Variants in RIC8B observed in about 807,000 individuals in gnomAD.
RIC8B encodes the protein RIC8 guanine nucleotide exchange factor B.
Under a neutral mutation model 57.5 loss-of-function variants are expected in RIC8B, and 16 were observed. The observed-to-expected ratio is 0.28, with a 90% confidence interval of 0.19 to 0.42. RIC8B has a LOEUF of 0.42. Ranked by LOEUF, RIC8B falls within the 10% of genes least tolerant of loss-of-function variation. The probability of loss-of-function intolerance (pLI) is 1.00; values close to 1 mark genes in which losing one functional copy is unlikely to be tolerated. For missense variants in RIC8B, 481 were observed against 677.0 expected (o/e 0.71, Z 3.21); for synonymous variants, 216 against 250.8 (o/e 0.86, Z 1.31).
In RIC8B at chr12:106,852,110, G is replaced by C. The variant is rs554092311; in HGVS notation, c.1306+516G>C. 4.7e-4 allele frequency among the ~76,000 whole-genome samples: 72 copies of C among 152,246 alleles called. 3 individuals carry two copies. In the South Asian group the frequency reaches 0.015, roughly 32 times the overall value. On this transcript the variant is annotated intron_variant, in intron 7 of 9. Transcript: ENST00000392837. ...GAGACAAAGTTAAGATAGTGGTAGAGAGAAATTTTAAAATAACTGTACTAC... is the reference window on the plus strand; with the variant it reads ...GAGACAAAGTTAAGATAGTGGTAGACAGAAATTTTAAAATAACTGTACTAC...
chr12:106,795,129 A>T (rs1053486633), intron 2 of RIC8B, among the ~76,000 whole-genome samples: 30 of 152,322 alleles, frequency 2.0e-4, no homozygotes, highest in Middle Eastern at 3.4e-3. Flanking sequence ...AAAGCTATAA[A>T]TGTATACTTG....
At chr12:106,792,078 C>G (rs1337890858) in intron 2 of RIC8B, among the ~76,000 whole-genome samples, 1 of 152,098 alleles carries the variant, frequency 6.6e-6, no homozygotes, top group Non-Finnish European at 1.5e-5. Context: ...ACTTAGAAAC[C>G]AGTAATTTTC....
At chr12:106,851,925 T>C (rs1013998477) in intron 7 of RIC8B, among the ~76,000 whole-genome samples, 4 of 152,184 alleles carry the variant, frequency 2.6e-5, no homozygotes, top group Non-Finnish European at 4.4e-5. Flanking sequence ...GCTACTATTT[T>C]AATAAGAGGC....
chr12:106,805,119 A>G (rs1243855562), intron 2 of RIC8B, among the ~76,000 whole-genome samples: 2 of 152,142 alleles, frequency 1.3e-5, no homozygotes, highest in Non-Finnish European at 2.9e-5. Flanking sequence ...GATGTGTTTT[A>G]TTTCAGGTAT....
At chr12:106,847,170 A>G (rs990663594) in intron 6 of RIC8B, among the ~76,000 whole-genome samples, 1 of 152,206 alleles carries the variant, frequency 6.6e-6, no homozygotes, top group African/African-American at 2.4e-5. Context: ...TATAGAAGCA[A>G]TGAGTATTTG....
chr12:106,854,245 A>G (rs1208662735), intron 7 of RIC8B, among the ~76,000 whole-genome samples: 1 of 152,062 alleles, frequency 6.6e-6, no homozygotes, highest in African/African-American at 2.4e-5. Flanking sequence ...AAAAAAAGAA[A>G]ATGTCTGCAG....
chr12:106,787,532 T>C (rs1212027345), intron 2 of RIC8B, among the ~76,000 whole-genome samples: 3 of 152,162 alleles, frequency 2.0e-5, no homozygotes, highest in Non-Finnish European at 4.4e-5. Flanking sequence ...GATAAAGACA[T>C]ACCTGAGACT....
At chr12:106,881,130 A>AT (rs1186432137) in intron 9 of RIC8B, among the ~76,000 whole-genome samples, 1 of 152,176 alleles carries the variant, frequency 6.6e-6, no homozygotes, top group Non-Finnish European at 1.5e-5. Context: ...AAGCATAGAC[A>AT]TTCTCTTTTT....
At chr12:106,786,443 C>G (rs994139156) in intron 2 of RIC8B, among the ~76,000 whole-genome samples, 1 of 152,170 alleles carries the variant, frequency 6.6e-6, no homozygotes, top group African/African-American at 2.4e-5. Context: ...GCCACCGCAC[C>G]TGGCCCCAAT....
At chr12:106,859,951 T>C (rs1239255918) in intron 7 of RIC8B, among the ~76,000 whole-genome samples, 1 of 152,118 alleles carries the variant, frequency 6.6e-6, no homozygotes, top group Non-Finnish European at 1.5e-5. Flanking sequence ...TTTTAAATAG[T>C]AAGATCTGAG....
At chr12:106,836,848 G>T (rs1200861853) in intron 4 of RIC8B, among the ~76,000 whole-genome samples, 2 of 152,192 alleles carry the variant, frequency 1.3e-5, no homozygotes, top group African/African-American at 4.8e-5. Flanking sequence ...GGTCTTCTCT[G>T]TTATCTACCT....
chr12:106,849,355 G>A (rs987856560), intron 6 of RIC8B, among the ~76,000 whole-genome samples: 1 of 149,268 alleles, frequency 6.7e-6, no homozygotes, highest in African/African-American at 2.5e-5. Context: ...GTCTCGCTAT[G>A]TTGCCCAGGC....
At chr12:106,807,673 A>G (rs2045105644) in intron 2 of RIC8B, among the ~76,000 whole-genome samples, 1 of 152,244 alleles carries the variant, frequency 6.6e-6, no homozygotes, top group Non-Finnish European at 1.5e-5. Context: ...GCATGAGAAA[A>G]GGACAGTGAG....
intron 7 of RIC8B, among the ~76,000 whole-genome samples, chr12:106,854,617 C>G (rs1949637604): frequency 6.6e-6 from 1 of 152,002 alleles, no homozygotes; most frequent in Non-Finnish European, 1.5e-5. Context: ...ATGGTGAAAC[C>G]CCGTCTCTAC....
At chr12:106,811,550 C>T (rs1290009981) in intron 2 of RIC8B, among the ~76,000 whole-genome samples, 1 of 152,142 alleles carries the variant, frequency 6.6e-6, no homozygotes, top group Non-Finnish European at 1.5e-5. Flanking sequence ...GAGCAAACTA[C>T]TAAAAAGTTT....
chr12:106,850,642 T>G (rs1949429127), intron 6 of RIC8B, among the ~76,000 whole-genome samples: 1 of 152,204 alleles, frequency 6.6e-6, no homozygotes, highest in Non-Finnish European at 1.5e-5. Context: ...TGTTACTATC[T>G]CCTTTGCGGG....
At chr12:106,881,595 A>G (rs1240657178) in intron 9 of RIC8B, among the ~76,000 whole-genome samples, 1 of 151,930 alleles carries the variant, frequency 6.6e-6, no homozygotes, top group African/African-American at 2.4e-5. Flanking sequence ...GTGAAGGAAT[A>G]TTTCTGTGGT....
chr12:106,851,607 C>T lies in RIC8B; in HGVS notation c.1306+13C>T, dbSNP rs750761161. 2 of 1,609,160 alleles carry T rather than the reference C, an allele frequency of 1.2e-6. No homozygotes were observed. Among genetic ancestry groups the T allele is most frequent in the African/African-American group, 2.7e-5 (2 of 74,766 alleles). On this transcript the variant is annotated intron_variant, in intron 7 of 9. Coordinates refer to ENST00000392837, the MANE Select transcript of RIC8B (RefSeq NM_001330145.2). ...TGCAAAGAGAGAGGTAGGTTAAACT[C>T]TCTTTGCCTCTGCCTTTTATCTTTC...
In RIC8B at chr12:106,834,942, C is replaced by T. The variant is rs2046522263; in HGVS notation, c.837-7647C>T. On this transcript the variant is annotated intron_variant, in intron 4 of 9. Coordinates refer to ENST00000392837, the MANE Select transcript of RIC8B (RefSeq NM_001330145.2). ...GAGCTTGCAGTGAGCTGAGATTGCGCCAGTGCACTCCAGCCTGGGCGACAG... is the reference window on the plus strand; with the variant it reads ...GAGCTTGCAGTGAGCTGAGATTGCGTCAGTGCACTCCAGCCTGGGCGACAG... 2.1e-5 allele frequency among the ~76,000 whole-genome samples: 3 copies of T among 142,080 alleles called. No homozygotes were observed. In the Admixed American group the frequency reaches 2.2e-4, roughly 10 times the overall value. 93.2% of individuals were successfully genotyped at this position (142,080 alleles called of 152,430 possible).
Sources: allele counts gnomAD v4.1 joint callset (sites outside exome capture counted in the v4.1 genomes callset), GRCh38; gene constraint gnomAD v4.1.1; transcripts MANE v1.5; gene names NCBI Gene and HGNC (gene_info 2026-07-23, HGNC 2026-07-21).